The following SLC6A16 variants were observed in gnomAD, a reference collection of about 807,000 sequenced individuals.
The protein encoded by SLC6A16 is orphan sodium- and chloride-dependent neurotransmitter transporter NTT5.
SLC6A16 carries 54 observed loss-of-function variants against 65.4 expected under a neutral mutation model. That is an observed-to-expected ratio of 0.83 (90% confidence interval 0.66 to 1.04). SLC6A16 has a LOEUF of 1.04. Among genes scored for constraint, SLC6A16 ranks in the 50% least tolerant of loss-of-function variants. The pLI is 0.00. For missense variants in SLC6A16, 816 were observed against 914.0 expected (o/e 0.89, Z 1.38); for synonymous variants, 330 against 346.5 (o/e 0.95, Z 0.53).
At chr19:49,307,731 AAAGAAAAAG>A (rs1329003813) in intron 7 of SLC6A16, among the ~76,000 whole-genome samples, 31 of 143,844 alleles carry the variant, frequency 2.2e-4, no homozygotes, top group African/African-American at 8.0e-4. Context: ...AAGCAAAAAA[AAAGAAAAAG>A]AAAAAAAAGA....
the SLC6A16 span, chr19:49,336,752 T>C: frequency 1.0e-5 from 7 of 677,622 alleles, no homozygotes; most frequent in Non-Finnish European, 1.7e-5. Context: ...AGAGAAAGTT[T>C]CAGAAGGAAA....
chr19:49,315,403 C>T (rs768640567), intron 1 of SLC6A16, among the ~76,000 whole-genome samples: 1 of 152,134 alleles, frequency 6.6e-6, no homozygotes, highest in Non-Finnish European at 1.5e-5. Flanking sequence ...GGTTGATGGG[C>T]GTCTCCCTGA....
intron 7 of SLC6A16, among the ~76,000 whole-genome samples, chr19:49,299,564 G>A (rs1452235945): frequency 2.8e-5 from 1 of 36,148 alleles, no homozygotes; most frequent in Non-Finnish European, 5.2e-5. Context: ...GAAAGAAAGA[G>A]AAAGCTGAAA....
At chr19:49,338,371 G>A in the SLC6A16 span, among the ~76,000 whole-genome samples, 1 of 135,274 alleles carries the variant, frequency 7.4e-6, no homozygotes, top group South Asian at 2.5e-4. This position sits in a 1 kb window ranked among gnomAD's most constrained non-coding sequence, Gnocchi z 5.0. Flanking sequence ...CCCCGCCCCC[G>A]ATGAGACTCA....
chr19:49,325,013 G>T, intron 1 of SLC6A16, 35 bp downstream of exon 1: 1 of 984,242 alleles, frequency 1.0e-6, no homozygotes, highest in Non-Finnish European at 1.2e-6. Context: ...CCAGATGTGG[G>T]AACATTTTAG....
At chr19:49,312,631 GAAAGAGAGGA>G in intron 1 of SLC6A16, 1 of 928,250 alleles carries the variant, frequency 1.1e-6, no homozygotes, top group Non-Finnish European at 1.3e-6. Flanking sequence ...AAAGTTACAT[GAAAGAGAGGA>G]AGAGAGAGGG....
Position 49,311,166 on chromosome 19 carries a change from G to A in SLC6A16, c.182C>T (p.Ala61Val), listed in dbSNP as rs762095165. The A allele has an allele frequency of 1.2e-6, 2 of 1,614,130 alleles. No individual in the cohort carries two copies. Among genetic ancestry groups the A allele is most frequent in the South Asian group, 1.1e-5 (1 of 91,074 alleles). ...AATTTGCTTGGGCTGACTGGTCCTG[G>A]CCTGAGCCTCTGCAACCCGGGCTGC... Reference protein sequence around the residue: ...VSAARVAEAQARTSQPKQISV... With the variant: ...VSAARVAEAQVRTSQPKQISV... The change falls in exon 2 of 12, where the codon GCC becomes GTC. Residue 61 changes from alanine (A) to valine (V), a missense_variant. Physicochemically the swap from Ala to Val is moderately conservative, Grantham distance 64. Coordinates refer to ENST00000335875, the MANE Select transcript of SLC6A16 (RefSeq NM_014037.3).
the SLC6A16 span, chr19:49,338,858 C>T: frequency 6.2e-7 from 1 of 1,614,168 alleles, no homozygotes; most frequent in Non-Finnish European, 8.5e-7. The surrounding 1 kb of genome is among the most constrained non-coding windows in gnomAD (Gnocchi z 5.0). Context: ...CCCAGCTCAG[C>T]AGGCTTGGAC....
chr19:49,326,681 T>C (rs914301132), upstream of SLC6A16, among the ~76,000 whole-genome samples: 2 of 152,126 alleles, frequency 1.3e-5, no homozygotes, highest in Non-Finnish European at 2.9e-5. Flanking sequence ...AGAAAACAGA[T>C]ATATGATGAA....
In SLC6A16 at chr19:49,294,024, C is replaced by T. The variant is rs1458763666; in HGVS notation, c.1421G>A (p.Ser474Asn). The T allele has an allele frequency of 6.2e-7, 1 of 1,610,568 alleles. No homozygotes were observed. Residue 474 changes from serine to asparagine, a missense_variant, in exon 9 of 12, where the codon AGC (serine) becomes AAC (asparagine). Coordinates refer to ENST00000335875, the MANE Select transcript of SLC6A16 (RefSeq NM_014037.3). ...CAGGAATGCAAACTTTGGGCCCTCG[C>T]TAGCCTGCAAAGAGAACAAAGAGGT... is the stretch of plus-strand genomic sequence containing the variant. Reference protein sequence around the residue: ...CNIETQFLKASEGPKFAFLSF... With the variant: ...CNIETQFLKANEGPKFAFLSF...
chr19:49,331,283 C>T, the SLC6A16 span, among the ~76,000 whole-genome samples: 1 of 152,110 alleles, frequency 6.6e-6, no homozygotes, highest in Non-Finnish European at 1.5e-5. Context: ...CAGGCTCAAG[C>T]AGTCCTCCCA....
At position 49,308,868 on chromosome 19, in the gene SLC6A16, G is replaced by A. The variant is rs772628575; in HGVS notation, c.1229+8C>T. The stretch of plus-strand genomic sequence containing the variant: ...AGCTGAGACCCTTAACAAAGGGGCC[G>A]GCCTTACCTCTCACAGCAGCGATGT... On this transcript the variant is annotated splice_region_variant and intron_variant, in intron 7 of 11. Coordinates refer to ENST00000335875, the MANE Select transcript of SLC6A16 (RefSeq NM_014037.3). 3.2e-5 allele frequency: 51 copies of A among 1,613,806 alleles called. No individual in the cohort carries two copies. Among genetic ancestry groups the A allele is most frequent in the African/African-American group, 5.3e-5 (4 of 74,882 alleles).
At chr19:49,334,812 G>A in the SLC6A16 span, among the ~76,000 whole-genome samples, 5 of 152,090 alleles carry the variant, frequency 3.3e-5, no homozygotes, top group African/African-American at 9.7e-5. Flanking sequence ...AGGATAGCTT[G>A]AGCCCAGGCT....
chr19:49,318,583 A>G (rs1970653469), intron 1 of SLC6A16, among the ~76,000 whole-genome samples: 1 of 152,230 alleles, frequency 6.6e-6, no homozygotes, highest in Non-Finnish European at 1.5e-5. Context: ...GAAATGATAG[A>G]CTAATGGAAT....
intron 7 of SLC6A16, among the ~76,000 whole-genome samples, chr19:49,302,804 C>A (rs905673004): frequency 2.0e-5 from 3 of 152,030 alleles, no homozygotes; most frequent in Non-Finnish European, 4.4e-5. Flanking sequence ...TGAAAAAGAA[C>A]CAAACAAACA....
intron 7 of SLC6A16, among the ~76,000 whole-genome samples, chr19:49,296,523 A>T (rs1037697343): frequency 2.8e-4 from 42 of 152,218 alleles, no homozygotes; most frequent in Non-Finnish European, 1.0e-4. Context: ...GAAGATACCA[A>T]GGCAGCTTAA....
chr19:49,317,554 C>T (rs978236930), intron 1 of SLC6A16, among the ~76,000 whole-genome samples: 22 of 152,070 alleles, frequency 1.4e-4, no homozygotes, highest in Non-Finnish European at 2.6e-4. Flanking sequence ...CGCCTGTAAT[C>T]CTAGCACTTT....
the SLC6A16 span, chr19:49,337,929 A>T: frequency 3.7e-6 from 6 of 1,614,084 alleles, no homozygotes; most frequent in Non-Finnish European, 5.1e-6. Flanking sequence ...TCTCAGCTGG[A>T]GCGAAGCTTG....
At chr19:49,318,348 C>A (rs1474228083) in intron 1 of SLC6A16, among the ~76,000 whole-genome samples, 2 of 151,940 alleles carry the variant, frequency 1.3e-5, no homozygotes, top group African/African-American at 4.8e-5. Flanking sequence ...AGTAGGACTA[C>A]TTTAGACCTG....
Sources: gnomAD v4.1 joint callset for allele counts (sites outside exome capture counted in the v4.1 genomes callset) on GRCh38, gnomAD v4.1.1 for gene constraint, Gnocchi (gnomAD v3.1) non-coding constraint, MANE v1.5 for transcripts, NCBI Gene and HGNC (gene_info 2026-07-23, HGNC 2026-07-21) for gene names.